Variants in NTM observed in about 807,000 individuals in gnomAD.
The protein encoded by NTM is IgLON family member 2.
Under a neutral mutation model 42.1 loss-of-function variants are expected in NTM, and 13 were observed. That is an observed-to-expected ratio of 0.31 (90% confidence interval 0.20 to 0.49). NTM has a LOEUF of 0.49. NTM is among the 20% of genes least tolerant of loss of function. NTM has a pLI of 0.99. For missense variants in NTM, 373 were observed against 452.8 expected (o/e 0.82, Z 1.60); for synonymous variants, 187 against 179.2 (o/e 1.04, Z -0.35).
intron 1 of NTM, among the ~76,000 whole-genome samples, chr11:131,805,457 A>C (rs956288261): frequency 1.3e-5 from 2 of 152,162 alleles, no homozygotes; most frequent in African/African-American, 4.8e-5. Context: ...TGAACTCCCA[A>C]ACATGAAAAT....
chr11:131,406,763 G>T (rs1381602592), intron 1 of NTM, among the ~76,000 whole-genome samples: 1 of 152,206 alleles, frequency 6.6e-6, no homozygotes, highest in Non-Finnish European at 1.5e-5. Context: ...TCAATTGACT[G>T]CAGGTAACTG....
chr11:132,235,343 T>C (rs1438313670), intron 4 of NTM, among the ~76,000 whole-genome samples: 2 of 152,114 alleles, frequency 1.3e-5, no homozygotes, highest in African/African-American at 4.8e-5. Flanking sequence ...TGTGGGTGTG[T>C]GTGCATGTGT....
chr11:131,551,243 C>T (rs993150894), intron 1 of NTM, among the ~76,000 whole-genome samples: 1 of 152,098 alleles, frequency 6.6e-6, no homozygotes, highest in Non-Finnish European at 1.5e-5. Context: ...CCCAAGGTGA[C>T]CTTTAGAGAG....
At chr11:131,756,251 G>A (rs1747587497) in intron 1 of NTM, among the ~76,000 whole-genome samples, 1 of 152,182 alleles carries the variant, frequency 6.6e-6, no homozygotes, top group African/African-American at 2.4e-5. Context: ...AAGAATAGCG[G>A]TGGAGGTACT....
chr11:132,290,064 G>A (rs1255284047), intron 4 of NTM, among the ~76,000 whole-genome samples: 26 of 152,094 alleles, frequency 1.7e-4, no homozygotes, highest in Admixed American at 1.7e-3. Flanking sequence ...CTTTCTTCAA[G>A]TTTTCATTTC....
At chr11:131,498,088 A>T (rs1955538673) in intron 1 of NTM, among the ~76,000 whole-genome samples, 1 of 151,586 alleles carries the variant, frequency 6.6e-6, no homozygotes, top group Non-Finnish European at 1.5e-5. Context: ...TCCATCTGCG[A>T]GATGTACCCT....
At chr11:131,539,607 A>T (rs965727378) in intron 1 of NTM, 2 of 152,144 alleles carry the variant, frequency 1.3e-5, no homozygotes, top group African/African-American at 4.8e-5. Flanking sequence ...TTGAGGTAAG[A>T]CCTGAATGAC....
At chr11:132,202,145 G>A (rs1422027837) in intron 3 of NTM, among the ~76,000 whole-genome samples, 2 of 152,088 alleles carry the variant, frequency 1.3e-5, no homozygotes, top group African/African-American at 2.4e-5. Context: ...AGTTTTCAGG[G>A]ACACCTTATT....
chr11:132,026,154 G>T (rs2075144807), intron 2 of NTM, among the ~76,000 whole-genome samples: 1 of 152,170 alleles, frequency 6.6e-6, no homozygotes, highest in East Asian at 1.9e-4. Context: ...GCATTTTGCA[G>T]ATATAAAAGT....
At chr11:131,895,222 A>G (rs2052072974) in intron 1 of NTM, among the ~76,000 whole-genome samples, 2 of 152,118 alleles carry the variant, frequency 1.3e-5, no homozygotes, top group Non-Finnish European at 1.5e-5. Flanking sequence ...GAAGATTTTT[A>G]TTTTCTGGCA....
chr11:132,288,089 G>A (rs2094318114), intron 4 of NTM, among the ~76,000 whole-genome samples: 2 of 152,236 alleles, frequency 1.3e-5, no homozygotes, highest in African/African-American at 2.4e-5. Flanking sequence ...AGCGCACAGA[G>A]CCTAGTGTCA....
At chr11:131,820,692 A>G (rs1327120756) in intron 1 of NTM, among the ~76,000 whole-genome samples, 1 of 152,198 alleles carries the variant, frequency 6.6e-6, no homozygotes, top group African/African-American at 2.4e-5. Flanking sequence ...ACTAAGCAAT[A>G]CAAAGGATTG....
chr11:131,911,029 G>C (rs1175474034), intron 1 of NTM: 1 of 1,030,184 alleles, frequency 9.7e-7, no homozygotes, highest in Non-Finnish European at 1.2e-6. Flanking sequence ...GATGTCCCCC[G>C]TTCGAACTGA....
At chr11:132,027,016 C>A (rs2075276424) in intron 2 of NTM, among the ~76,000 whole-genome samples, 1 of 152,172 alleles carries the variant, frequency 6.6e-6, no homozygotes, top group African/African-American at 2.4e-5. Flanking sequence ...TTATTCATAG[C>A]AAATTGGGCA....
intron 1 of NTM, among the ~76,000 whole-genome samples, chr11:131,440,225 G>A (rs1949503670): frequency 6.6e-6 from 1 of 151,870 alleles, no homozygotes; most frequent in Non-Finnish European, 1.5e-5. Context: ...ATTTCTAGGA[G>A]TTCTTTATTA....
chr11:132,048,890 G>A (rs1192210157), intron 2 of NTM, among the ~76,000 whole-genome samples: 1 of 145,888 alleles, frequency 6.9e-6, no homozygotes, highest in Non-Finnish European at 1.5e-5. Flanking sequence ...ACCTATTTGT[G>A]CACGGTGCTG....
chr11:131,393,671 T>C (rs1028279001), intron 1 of NTM, among the ~76,000 whole-genome samples: 2 of 152,168 alleles, frequency 1.3e-5, no homozygotes, highest in Non-Finnish European at 2.9e-5. Context: ...AAGACCTACC[T>C]TTGGCCCATG....
At chr11:131,567,499 C>T (rs2057017588) in intron 1 of NTM, among the ~76,000 whole-genome samples, 1 of 151,882 alleles carries the variant, frequency 6.6e-6, no homozygotes, top group Admixed American at 6.6e-5. Flanking sequence ...AAAAAAAGAC[C>T]CAAAAATCTA....
intron 2 of NTM, among the ~76,000 whole-genome samples, chr11:132,028,376 G>A (rs2075470375): frequency 6.6e-6 from 1 of 152,008 alleles, no homozygotes; most frequent in East Asian, 1.9e-4. Context: ...TCTGGCTAGG[G>A]ATCAAGCTGT....
Sources: gnomAD v4.1 joint callset for allele counts (sites outside exome capture counted in the v4.1 genomes callset) on GRCh38, gnomAD v4.1.1 for gene constraint, MANE v1.5 for transcripts, NCBI Gene and HGNC (gene_info 2026-07-23, HGNC 2026-07-21) for gene names.